WASHC3: variants seen among roughly 807,000 people sequenced by gnomAD.
The protein encoded by WASHC3 is WASH complex subunit CCDC53.
WASHC3 carries 24 observed loss-of-function variants against 26.1 expected under a neutral mutation model. The observed-to-expected ratio is 0.92, with a 90% CI of 0.66 to 1.29. The LOEUF is 1.29. Ranked by LOEUF, WASHC3 falls within the 50% of genes most tolerant of loss-of-function variation. WASHC3 has a pLI of 0.00. For synonymous variants in WASHC3, 77 were observed against 75.7 expected (o/e 1.02, Z -0.09); for missense variants, 214 against 229.6 (o/e 0.93, Z 0.44).
intron 2 of WASHC3, chr12:102,050,418 G>A (rs1001057602): frequency 9.8e-6 from 4 of 408,424 alleles, no homozygotes; most frequent in Non-Finnish European, 1.9e-5. Flanking sequence ...AAGAGTTGGA[G>A]ACCAGCCTAG....
At chr12:102,029,612 A>C (rs1417447551) in intron 5 of WASHC3, among the ~76,000 whole-genome samples, 1 of 152,242 alleles carries the variant, frequency 6.6e-6, no homozygotes, top group Non-Finnish European at 1.5e-5. Context: ...CTAAAGTTTT[A>C]GATTAGAAGG....
chr12:102,040,010 C>A, intron 4 of WASHC3, 32 bp from the exon 5 acceptor site: 1 of 1,050,232 alleles, frequency 9.5e-7, no homozygotes, highest in East Asian at 2.6e-5. Context: ...AATCTTTAGA[C>A]AATTTACAAA....
chr12:102,044,620 T>C (rs1057479953), intron 3 of WASHC3, among the ~76,000 whole-genome samples: 3 of 152,166 alleles, frequency 2.0e-5, no homozygotes, highest in African/African-American at 4.8e-5. Flanking sequence ...TTTCTATTGA[T>C]AATACTTCGA....
intron 6 of WASHC3, among the ~76,000 whole-genome samples, chr12:102,016,441 G>A (rs1429331462): frequency 4.6e-5 from 7 of 152,148 alleles, no homozygotes. Context: ...CTGACCTCAG[G>A]TGATGCACCT....
At chr12:102,034,962 G>A (rs181987702) in intron 5 of WASHC3, among the ~76,000 whole-genome samples, 229 of 152,050 alleles carry the variant, frequency 1.5e-3, no homozygotes, top group Non-Finnish European at 2.6e-3. Context: ...GACAATAACC[G>A]TAAATCAAAA....
chr12:102,018,717 C>T (rs1876818108), intron 6 of WASHC3, among the ~76,000 whole-genome samples: 1 of 152,222 alleles, frequency 6.6e-6, no homozygotes, highest in African/African-American at 2.4e-5. Context: ...TGATTCTCCA[C>T]CCTTGGCCTC....
rs576837571 is a variant in WASHC3, at chr12:102,014,426, G to C, written c.501-1234C>G. On this transcript the variant is annotated intron_variant, in intron 6 of 6. Transcript: ENST00000240079. ...CCAGACTGATTTCTCCCTCAGGCTT[G>C]ACTCTTATTAAACATTTAGGACACT... Among the ~76,000 whole-genome samples, 12 of 152,150 alleles carry C rather than the reference G, an allele frequency of 7.9e-5. No individual in the cohort carries two copies. In the South Asian group the frequency reaches 2.5e-3, roughly 32 times the overall value.
intron 5 of WASHC3, among the ~76,000 whole-genome samples, chr12:102,037,830 C>T (rs1211656149): frequency 6.6e-6 from 1 of 151,432 alleles, no homozygotes; most frequent in Non-Finnish European, 1.5e-5. Flanking sequence ...GAGTTTCACT[C>T]TTGTTGCCCA....
chr12:102,015,315 G>T (rs1052800566), intron 6 of WASHC3, among the ~76,000 whole-genome samples: 1 of 152,010 alleles, frequency 6.6e-6, no homozygotes, highest in Admixed American at 6.6e-5. Context: ...AAGGGTAAAA[G>T]CAGCTTAGGA....
chr12:102,060,201 C>G (rs1878747093), intron 2 of WASHC3, among the ~76,000 whole-genome samples: 1 of 152,218 alleles, frequency 6.6e-6, no homozygotes, highest in East Asian at 1.9e-4. Flanking sequence ...TTTGCTCTTT[C>G]CTTAAATGCA....
At chr12:102,056,380 T>C (rs1367458965) in intron 2 of WASHC3, among the ~76,000 whole-genome samples, 1 of 152,208 alleles carries the variant, frequency 6.6e-6, no homozygotes, top group African/African-American at 2.4e-5. Flanking sequence ...GTGATTAAAT[T>C]TGGCCCTTTT....
At chr12:102,026,385 A>C (rs1877188902) in intron 5 of WASHC3, among the ~76,000 whole-genome samples, 1 of 152,206 alleles carries the variant, frequency 6.6e-6, no homozygotes. Flanking sequence ...GAAGCCATAC[A>C]ATGAATAGTT....
chr12:102,031,441 C>T (rs1332231550), intron 5 of WASHC3, among the ~76,000 whole-genome samples: 3 of 152,198 alleles, frequency 2.0e-5, no homozygotes, highest in African/African-American at 7.2e-5. Flanking sequence ...TACTATTTTG[C>T]TAAGCTTTGC....
chr12:102,023,762 G>T (rs73183989), intron 6 of WASHC3, among the ~76,000 whole-genome samples: 6,358 of 152,260 alleles, frequency 0.042, 200 homozygotes, highest in African/African-American at 0.081. Context: ...AGGTAATGGG[G>T]CAGAATTCAG....
At chr12:102,045,550 T>A (rs983554832) in intron 3 of WASHC3, among the ~76,000 whole-genome samples, 1 of 152,190 alleles carries the variant, frequency 6.6e-6, no homozygotes, top group Non-Finnish European at 1.5e-5. Context: ...GTTATCAAAA[T>A]CTTTAAGCTT....
intron 4 of WASHC3, among the ~76,000 whole-genome samples, chr12:102,040,821 C>T (rs899871451): frequency 1.3e-5 from 2 of 151,930 alleles, no homozygotes; most frequent in African/African-American, 4.8e-5. Context: ...TTAGAAAAAG[C>T]TTACTTTGGT....
intron 2 of WASHC3, among the ~76,000 whole-genome samples, chr12:102,057,445 G>T (rs896768950): frequency 6.6e-6 from 1 of 151,962 alleles, no homozygotes; most frequent in Non-Finnish European, 1.5e-5. Flanking sequence ...AAAATAAAAG[G>T]CATTGAAATT....
intron 6 of WASHC3, among the ~76,000 whole-genome samples, chr12:102,021,334 TATC>T (rs1375097855): frequency 6.6e-6 from 1 of 152,196 alleles, no homozygotes; most frequent in Non-Finnish European, 1.5e-5. Flanking sequence ...TAATGCCTAA[TATC>T]ATGAAGAAAA....
intron 5 of WASHC3, among the ~76,000 whole-genome samples, chr12:102,032,427 G>T (rs1490507460): frequency 2.0e-5 from 3 of 152,188 alleles, no homozygotes; most frequent in Non-Finnish European, 4.4e-5. Context: ...TGTTGGAAAA[G>T]TGATCTATGT....
Sources: gnomAD v4.1 joint callset for allele counts (sites outside exome capture counted in the v4.1 genomes callset) on GRCh38, gnomAD v4.1.1 for gene constraint, MANE v1.5 for transcripts, NCBI Gene and HGNC (gene_info 2026-07-23, HGNC 2026-07-21) for gene names.